Variants in IFFO2 observed in about 807,000 individuals in gnomAD.
IFFO2 encodes intermediate filament family orphan 2.
In IFFO2, 19 loss-of-function variants were observed where a neutral mutation model predicts 53.5. The observed-to-expected ratio is 0.36, with a 90% CI of 0.25 to 0.52. The LOEUF is 0.52. Among genes scored for constraint, IFFO2 ranks in the 20% least tolerant of loss-of-function variants. IFFO2 has a pLI of 0.94. For missense variants in IFFO2, 570 were observed against 727.4 expected (o/e 0.78, Z 2.49); for synonymous variants, 303 against 313.6 (o/e 0.97, Z 0.36).
In IFFO2 at chr1:18,917,125, A is replaced by G; in HGVS notation, c.964-83T>C. ...GGGGTGAACTGGGAAGGGAGCCGGC[A>G]TCTCACAGGATGATGAGCGTGACTG... On this transcript the variant is annotated intron_variant, in intron 4 of 8. Coordinates refer to ENST00000455833, the MANE Select transcript of IFFO2 (RefSeq NM_001136265.2). This position sits in a 1 kb window ranked among gnomAD's most constrained non-coding sequence, Gnocchi z 5.9. 1 of 1,445,456 alleles carries G rather than the reference A, an allele frequency of 6.9e-7. No homozygotes were observed. Among genetic ancestry groups the G allele is most frequent in the Non-Finnish European group, 9.4e-7 (1 of 1,067,820 alleles). The allele number at this position is 1,445,456 out of a possible 1,614,324, so 89.5% of individuals were successfully genotyped here.
chr1:18,917,182 C>A lies in IFFO2; in HGVS notation c.964-140G>T. The A allele has an allele frequency of 1.1e-6, 1 of 926,966 alleles. No homozygotes were observed. The highest frequency in any genetic ancestry group is 1.6e-6 in the Non-Finnish European group (1 of 628,446). The allele number at this position is 926,966 out of a possible 1,614,324, so 57.4% of individuals were successfully genotyped here. A position where few individuals can be genotyped will look rare whatever the true frequency, so the allele number is the denominator to read the frequency against. On this transcript the variant is annotated intron_variant, in intron 4 of 8. Coordinates refer to ENST00000455833, the MANE Select transcript of IFFO2 (RefSeq NM_001136265.2). This position sits in a 1 kb window ranked among gnomAD's most constrained non-coding sequence, Gnocchi z 5.9. Reference sequence around the variant, plus strand: ...GCCAGTGCCAGGAAAGGTGCAGGTCCTCTAAGAAGCAGGCGGCGTTAGCAG... The same window carrying A: ...GCCAGTGCCAGGAAAGGTGCAGGTCATCTAAGAAGCAGGCGGCGTTAGCAG...
chr1:18,911,306 G>A lies in IFFO2; in HGVS notation c.1317+78C>T, dbSNP rs1246831457. The stretch of plus-strand genomic sequence containing the variant: ...TACCAGCCCCTGCCCATGACACATG[G>A]GTGTTTGATCGCCAGGATCTCAACC... On this transcript the variant is annotated intron_variant, in intron 7 of 8. Coordinates refer to ENST00000455833, the MANE Select transcript of IFFO2 (RefSeq NM_001136265.2). 3 of 693,912 alleles carry A rather than the reference G, an allele frequency of 4.3e-6. No homozygotes were observed. In the East Asian group the frequency reaches 1.0e-4, roughly 23 times the overall value. The allele number at this position is 693,912 out of a possible 1,614,324, so 43.0% of individuals were successfully genotyped here. A position where few individuals can be genotyped will look rare whatever the true frequency, so the allele number is the denominator to read the frequency against.
At chr1:18,950,253 A>T (rs75756569) in intron 1 of IFFO2, among the ~76,000 whole-genome samples, 1 of 152,160 alleles carries the variant, frequency 6.6e-6, no homozygotes, top group Admixed American at 6.5e-5. Context: ...CCTCCATGGG[A>T]CAGAGAGAGC....
intron 1 of IFFO2, among the ~76,000 whole-genome samples, chr1:18,949,600 A>C (rs2148191552): frequency 6.6e-6 from 1 of 152,386 alleles, no homozygotes; most frequent in East Asian, 1.9e-4. Context: ...CTCCGGTGTC[A>C]CTGACACATG....
chr1:18,906,328 C>A lies in IFFO2; in HGVS notation c.*2233G>T, dbSNP rs190747320. The A allele has an allele frequency of 4.8e-4, 73 of 152,340 alleles. No homozygotes were observed. The highest frequency in any genetic ancestry group is 1.7e-3 in the African/African-American group (71 of 41,568). The allele number at this position is 152,340 out of a possible 1,614,324, so 9.4% of individuals were successfully genotyped here. On this transcript the variant is annotated 3_prime_UTR_variant, in exon 9 of 9. Coordinates refer to ENST00000455833, the MANE Select transcript of IFFO2 (RefSeq NM_001136265.2). ...AAATAATACCGCCGGACACCGATAA[C>A]CACAGTAACCTTAGTTACTCCCATG...
intron 8 of IFFO2, 129 bp downstream of exon 8, chr1:18,910,213 G>A: frequency 6.8e-6 from 7 of 1,036,040 alleles, no homozygotes; most frequent in Non-Finnish European, 9.8e-6. Context: ...ATGGATGGAT[G>A]GACGGACGGA....
At chr1:18,927,269 G>A (rs913184497) in intron 1 of IFFO2, among the ~76,000 whole-genome samples, 1 of 152,208 alleles carries the variant, frequency 6.6e-6, no homozygotes, top group Non-Finnish European at 1.5e-5. Flanking sequence ...CACACCTTGC[G>A]GGAAGGCGAG....
Position 18,947,661 on chromosome 1 carries a change from C to A in IFFO2, c.665+8007G>T, listed in dbSNP as rs1483724698. Among the ~76,000 whole-genome samples the A allele has an allele frequency of 6.6e-6, 1 of 152,192 alleles. No individual in the cohort carries two copies. The highest frequency in any genetic ancestry group is 1.5e-5 in the Non-Finnish European group (1 of 68,028). ...TGTTCCCCAACTCCTCCCCTGCCAG[C>A]CCTGCCAGCCCCCATTGAGACCTTC... On this transcript the variant is annotated intron_variant, in intron 1 of 8. Transcript: ENST00000455833. The surrounding 1 kb of genome is among the most constrained non-coding windows in gnomAD (Gnocchi z 5.0).
At chr1:18,926,055 T>G (rs1450308988) in intron 1 of IFFO2, among the ~76,000 whole-genome samples, 26 of 14,826 alleles carry the variant, frequency 1.8e-3, no homozygotes, top group East Asian at 3.4e-3. Flanking sequence ...ATGGATGGAT[T>G]GGTTGGATGG....
intron 6 of IFFO2, among the ~76,000 whole-genome samples, chr1:18,911,750 G>C (rs767681268): frequency 3.9e-5 from 6 of 152,056 alleles, no homozygotes; most frequent in Non-Finnish European, 7.4e-5. Flanking sequence ...TATTGGCCAG[G>C]CTGGTCTCGA....
At chr1:18,934,311 A>G (rs1211578325) in intron 1 of IFFO2, among the ~76,000 whole-genome samples, 1 of 151,980 alleles carries the variant, frequency 6.6e-6, no homozygotes, top group Non-Finnish European at 1.5e-5. Flanking sequence ...GGCTCAAGCA[A>G]TTCTCCCACC....
intron 1 of IFFO2, among the ~76,000 whole-genome samples, chr1:18,926,728 C>G (rs746385394): frequency 1.3e-5 from 2 of 152,028 alleles, no homozygotes; most frequent in African/African-American, 2.4e-5. Context: ...AGTGCCTCCC[C>G]CTCTCCCGTC....
chr1:18,937,251 C>T (rs1301684091), intron 1 of IFFO2, among the ~76,000 whole-genome samples: 11 of 152,164 alleles, frequency 7.2e-5, no homozygotes, highest in Admixed American at 2.0e-4. Context: ...AACAGGGCAA[C>T]GGTCACCTGT....
At chr1:18,926,941 C>A (rs558354051) in intron 1 of IFFO2, among the ~76,000 whole-genome samples, 3 of 152,178 alleles carry the variant, frequency 2.0e-5, no homozygotes, top group African/African-American at 7.2e-5. Flanking sequence ...CCTCCAGGGA[C>A]GAACCTGGGG....
Position 18,917,716 on chromosome 1 carries a change from C to G in IFFO2, c.963+646G>C, listed in dbSNP as rs547274141. ...CCACAACCCGAAACTCAAGAAGCAG[C>G]CTTCGGAGAATGACATGTGCCTCAT... On this transcript the variant is annotated intron_variant, in intron 4 of 8. Transcript: ENST00000455833. The surrounding 1 kb of genome is among the most constrained non-coding windows in gnomAD (Gnocchi z 5.9). Among the ~76,000 whole-genome samples, 4 of 152,274 alleles carry G rather than the reference C, an allele frequency of 2.6e-5. No individual in the cohort carries two copies. Among genetic ancestry groups the G allele is most frequent in the Admixed American group, 2.6e-4 (4 of 15,304 alleles).
At chr1:18,915,858 C>A (rs1316375405) in intron 5 of IFFO2, among the ~76,000 whole-genome samples, 1 of 152,192 alleles carries the variant, frequency 6.6e-6, no homozygotes, top group East Asian at 1.9e-4. Context: ...GGAACGGTAG[C>A]TCATGCCAGT....
intron 8 of IFFO2, among the ~76,000 whole-genome samples, chr1:18,908,912 T>C (rs1292464286): frequency 2.0e-5 from 3 of 152,168 alleles, no homozygotes; most frequent in South Asian, 2.1e-4. Flanking sequence ...AGCTGGACCG[T>C]GGATCAAGTT....
chr1:18,918,351 G>C lies in IFFO2; in HGVS notation c.963+11C>G. The C allele has an allele frequency of 6.5e-7, 1 of 1,550,238 alleles. No homozygotes were observed. The highest frequency in any genetic ancestry group is 8.7e-7 in the Non-Finnish European group (1 of 1,145,704). On this transcript the variant is annotated intron_variant, in intron 4 of 8. Transcript: ENST00000455833. This position sits in a 1 kb window ranked among gnomAD's most constrained non-coding sequence, Gnocchi z 5.2. The stretch of plus-strand genomic sequence containing the variant: ...GGGGGGTTGGCTGGTGAGCAGGGCA[G>C]CCCTAGTCACCTGGAAGATCTTGGA...
rs566767065 is a variant in IFFO2, at chr1:18,906,513, G to C, written c.*2048C>G. The C allele has an allele frequency of 1.3e-5, 2 of 152,236 alleles. No individual in the cohort carries two copies. Among genetic ancestry groups the C allele is most frequent in the East Asian group, 3.8e-4 (2 of 5,202 alleles). The allele number at this position is 152,236 out of a possible 1,614,324, so 9.4% of individuals were successfully genotyped here. A position where few individuals can be genotyped will look rare whatever the true frequency, so the allele number is the denominator to read the frequency against. Reference sequence around the variant, plus strand: ...CCCTGGACGGAGGAGACCCACGAGGGTGGATGTTTTCCTGCCCTCGAGGAA... The same window carrying C: ...CCCTGGACGGAGGAGACCCACGAGGCTGGATGTTTTCCTGCCCTCGAGGAA... On this transcript the variant is annotated 3_prime_UTR_variant, in exon 9 of 9. Transcript: ENST00000455833.
Sources: allele counts gnomAD v4.1 joint callset (sites outside exome capture counted in the v4.1 genomes callset), GRCh38; gene constraint gnomAD v4.1.1; non-coding constraint Gnocchi (gnomAD v3.1); transcripts MANE v1.5; gene names NCBI Gene and HGNC (gene_info 2026-07-23, HGNC 2026-07-21).